The following EFL1 variants were observed in gnomAD, a reference collection of about 807,000 sequenced individuals.
EFL1 encodes the protein elongation factor-like GTPase 1.
Under a neutral mutation model 126.7 loss-of-function variants are expected in EFL1, and 76 were observed. The observed-to-expected ratio is 0.60, with a 90% CI of 0.50 to 0.73. The LOEUF (loss-of-function observed/expected upper bound fraction) is 0.73, where lower values mean the gene tolerates loss of function less well. EFL1 is among the 30% of genes least tolerant of loss of function. The pLI is 0.00. For missense variants in EFL1, 1,128 were observed against 1,343.2 expected (o/e 0.84, Z 2.50); for synonymous variants, 410 against 448.4 (o/e 0.91, Z 1.08).
chr15:82,245,340 G>A (rs994851098), intron 4 of EFL1, among the ~76,000 whole-genome samples: 1 of 151,906 alleles, frequency 6.6e-6, no homozygotes, highest in Non-Finnish European at 1.5e-5. Flanking sequence ...GGGTTTCACT[G>A]TGTTGCCGTG....
chr15:82,235,288 T>C (rs1009512658), intron 7 of EFL1, among the ~76,000 whole-genome samples: 5 of 152,348 alleles, frequency 3.3e-5, no homozygotes, highest in African/African-American at 1.2e-4. Flanking sequence ...ACTCAATATT[T>C]AGCATATGTA....
chr15:82,183,323 GATAAAA>G (rs768455049), intron 15 of EFL1, among the ~76,000 whole-genome samples: 28 of 152,296 alleles, frequency 1.8e-4, no homozygotes, highest in Non-Finnish European at 4.0e-4. Flanking sequence ...AAACACATGA[GATAAAA>G]ATAAACTTGG....
intron 15 of EFL1, among the ~76,000 whole-genome samples, chr15:82,188,338 C>T (rs1314044993): frequency 1.3e-5 from 2 of 152,052 alleles, no homozygotes; most frequent in Non-Finnish European, 2.9e-5. Flanking sequence ...GTCTAGCCTA[C>T]TTCCATTTTC....
intron 4 of EFL1, among the ~76,000 whole-genome samples, chr15:82,249,404 G>A (rs2075001460): frequency 6.6e-6 from 1 of 151,726 alleles, no homozygotes; most frequent in Non-Finnish European, 1.5e-5. Context: ...TATTTTAAAA[G>A]ATGAATTAGA....
chr15:82,245,667 A>C (rs1176948925), intron 4 of EFL1, among the ~76,000 whole-genome samples: 2 of 152,078 alleles, frequency 1.3e-5, no homozygotes, highest in Non-Finnish European at 2.9e-5. Flanking sequence ...GGGGTCAGGC[A>C]CAGTGGCTCA....
Position 82,159,967 on chromosome 15 carries a change from A to G in EFL1, c.1883-2107T>C, listed in dbSNP as rs2074006021. On this transcript the variant is annotated intron_variant, in intron 16 of 19. Transcript: ENST00000268206. ...CTATATCACAAAGTGTTCAGGCAAGACCTTCAAAAAGAAGGAAGCATTATT... is the reference window on the plus strand; with the variant it reads ...CTATATCACAAAGTGTTCAGGCAAGGCCTTCAAAAAGAAGGAAGCATTATT... 1.3e-5 allele frequency: 2 copies of G among 152,238 alleles called. 1 individual carries two copies. Among genetic ancestry groups the G allele is most frequent in the Admixed American group, 1.3e-4 (2 of 15,286 alleles). The allele number at this position is 152,238 out of a possible 1,614,324, so 9.4% of individuals were successfully genotyped here.
intron 11 of EFL1, among the ~76,000 whole-genome samples, chr15:82,226,220 G>A (rs2074762064): frequency 6.6e-6 from 1 of 152,166 alleles, no homozygotes; most frequent in Non-Finnish European, 1.5e-5. Context: ...CCAGGCTGGA[G>A]TGCAGTGGCG....
intron 3 of EFL1, among the ~76,000 whole-genome samples, chr15:82,258,470 G>C (rs185137417): frequency 2.6e-4 from 40 of 152,250 alleles, no homozygotes; most frequent in African/African-American, 9.6e-4. Context: ...AGGATCACCT[G>C]AGCCCAACAG....
chr15:82,222,906 G>T (rs919242842), intron 12 of EFL1, among the ~76,000 whole-genome samples: 3 of 152,190 alleles, frequency 2.0e-5, no homozygotes, highest in Admixed American at 6.5e-5. Context: ...TCAAATGTCA[G>T]GTTGGAAGGT....
chr15:82,170,806 T>G (rs988095130), intron 15 of EFL1, among the ~76,000 whole-genome samples: 1 of 152,264 alleles, frequency 6.6e-6, no homozygotes, highest in African/African-American at 2.4e-5. Flanking sequence ...TTTATGAGTT[T>G]TGTATCCTGT....
At chr15:82,219,370 CT>C (rs1441846970) in intron 14 of EFL1, among the ~76,000 whole-genome samples, 1 of 152,196 alleles carries the variant, frequency 6.6e-6, no homozygotes, top group Non-Finnish European at 1.5e-5. Flanking sequence ...CTTATCAGTT[CT>C]TTTCTCTAAC....
At chr15:82,144,063 G>A (rs2073816724) in intron 18 of EFL1, among the ~76,000 whole-genome samples, 1 of 152,110 alleles carries the variant, frequency 6.6e-6, no homozygotes, top group African/African-American at 2.4e-5. Context: ...AGCTGTTGGA[G>A]ACCAACCTGG....
At chr15:82,219,925 G>A in intron 13 of EFL1, 107 bp from the exon 14 acceptor site, 2 of 1,472,384 alleles carry the variant, frequency 1.4e-6, no homozygotes, top group Non-Finnish European at 1.8e-6. Flanking sequence ...CAAGTTTCAG[G>A]AAAAAAAAGA....
rs189823720 is a variant in EFL1, at chr15:82,172,623, T to C, written c.1751-8639A>G. On this transcript the variant is annotated intron_variant, in intron 15 of 19. Coordinates refer to ENST00000268206, the MANE Select transcript of EFL1 (RefSeq NM_024580.6). ...ACAAAGACTTTTTTGTAGTTTAATATACACCGAATTTTCAGAAATGGAATT... is the reference window on the plus strand; with the variant it reads ...ACAAAGACTTTTTTGTAGTTTAATACACACCGAATTTTCAGAAATGGAATT... Among the ~76,000 whole-genome samples the C allele has an allele frequency of 1.6e-4, 24 of 152,344 alleles. No homozygotes were observed. The East Asian group carries it at 2.3e-3, about 15-fold the overall frequency.
intron 7 of EFL1, among the ~76,000 whole-genome samples, chr15:82,237,481 A>G (rs917339698): frequency 1.3e-4 from 20 of 152,232 alleles, no homozygotes; most frequent in African/African-American, 4.6e-4. Flanking sequence ...ACCCAACAGA[A>G]TTGCTAAAAT....
intron 15 of EFL1, among the ~76,000 whole-genome samples, chr15:82,179,730 T>C (rs1008512146): frequency 8.8e-5 from 13 of 147,946 alleles, no homozygotes; most frequent in Non-Finnish European, 1.6e-4. Context: ...ATGTGGCTGG[T>C]AGAGAAGGAA....
chr15:82,238,655 G>A (rs2074899335), intron 6 of EFL1, 134 bp from the exon 7 acceptor site: 1 of 687,626 alleles, frequency 1.5e-6, no homozygotes, highest in Non-Finnish European at 2.5e-6. Flanking sequence ...ATGAATGGAG[G>A]TGACATTCAT....
intron 15 of EFL1, among the ~76,000 whole-genome samples, chr15:82,191,661 C>A (rs1248722203): frequency 1.3e-5 from 2 of 151,574 alleles, no homozygotes; most frequent in East Asian, 3.9e-4. Flanking sequence ...GGCCAGTCAG[C>A]TTTAATCAAA....
rs1336653918 is a variant in EFL1, at chr15:82,163,994, G to A, written c.1751-10C>T. ...TGAAGGCCTCCTATTCCTGTAGGAAGAAAAGATCCATACGGTCAATAAGGG... is the reference window on the plus strand; with the variant it reads ...TGAAGGCCTCCTATTCCTGTAGGAAAAAAAGATCCATACGGTCAATAAGGG... On this transcript the variant is annotated splice_polypyrimidine_tract_variant and intron_variant, in intron 15 of 19. Transcript: ENST00000268206. 10 of 1,613,082 alleles carry A rather than the reference G, an allele frequency of 6.2e-6. No individual in the cohort carries two copies. The highest frequency in any genetic ancestry group is 8.5e-6 in the Non-Finnish European group (10 of 1,179,674).
Sources: gnomAD v4.1 joint callset for allele counts (sites outside exome capture counted in the v4.1 genomes callset) on GRCh38, gnomAD v4.1.1 for gene constraint, MANE v1.5 for transcripts, NCBI Gene and HGNC (gene_info 2026-07-23, HGNC 2026-07-21) for gene names.